GRID2: variants seen among roughly 807,000 people sequenced by gnomAD.
GRID2 encodes the protein glutamate ionotropic receptor delta type subunit 2.
In GRID2, 33 loss-of-function variants were observed where a neutral mutation model predicts 114.8. The ratio of observed to expected loss-of-function variants is 0.29; its 90% CI spans 0.22 to 0.38. The LOEUF (loss-of-function observed/expected upper bound fraction) is 0.38. GRID2 is among the 10% of genes least tolerant of loss of function. GRID2 has a pLI of 1.00. For missense variants in GRID2, 1,184 were observed against 1,257.7 expected (o/e 0.94, Z 0.89); for synonymous variants, 505 against 449.9 (o/e 1.12, Z -1.55).
At chr4:93,649,216 T>G (rs890211421) in intron 14 of GRID2, among the ~76,000 whole-genome samples, 3 of 152,136 alleles carry the variant, frequency 2.0e-5, no homozygotes, top group Non-Finnish European at 1.5e-5. Flanking sequence ...CTGTATAGAA[T>G]CCTTCTTATT....
chr4:93,727,204 G>T, intron 14 of GRID2, among the ~76,000 whole-genome samples: 1 of 152,178 alleles, frequency 6.6e-6, no homozygotes, highest in Non-Finnish European at 1.5e-5. Flanking sequence ...AAGGGTTGTT[G>T]AATTTTGTCA....
At chr4:93,707,776 C>T (rs951676201) in intron 14 of GRID2, among the ~76,000 whole-genome samples, 6 of 151,504 alleles carry the variant, frequency 4.0e-5, no homozygotes, top group Admixed American at 3.9e-4. Context: ...TAAGGTATAT[C>T]ATTAGGTTAT....
chr4:93,293,219 G>A (rs1360975407), intron 8 of GRID2, among the ~76,000 whole-genome samples: 1 of 152,058 alleles, frequency 6.6e-6, no homozygotes, highest in Non-Finnish European at 1.5e-5. Context: ...AATTAACACT[G>A]GAGTCACTAA....
rs558852354 is a variant in GRID2, at chr4:93,364,444, T to C, written c.1246-31163T>C. Among the ~76,000 whole-genome samples the C allele has an allele frequency of 5.9e-5, 9 of 152,272 alleles. No homozygotes were observed. In the East Asian group the frequency reaches 1.5e-3, roughly 26 times the overall value. ...TATTGAATCTATTTTCATTGACCTA[T>C]TATTTTTTTCTGAAAAATCTTATTT... On this transcript the variant is annotated intron_variant, in intron 8 of 15. Coordinates refer to ENST00000282020, the MANE Select transcript of GRID2 (RefSeq NM_001510.4).
At chr4:93,511,828 A>T (rs1290823302) in intron 12 of GRID2, among the ~76,000 whole-genome samples, 1 of 146,356 alleles carries the variant, frequency 6.8e-6, no homozygotes, top group Admixed American at 7.0e-5. Flanking sequence ...CTTGTCGCCC[A>T]GGCTAGAGTG....
Position 92,400,754 on chromosome 4 carries a change from C to T in GRID2, c.88+96010C>T, listed in dbSNP as rs139840465. Among the ~76,000 whole-genome samples the T allele has an allele frequency of 1.1e-3, 162 of 152,044 alleles. 1 individual carries two copies. The highest frequency in any genetic ancestry group is 3.7e-3 in the African/African-American group (155 of 41,466). ...GCATGAAGGTTCTTATTTCTCTTTA[C>T]CCTCACAAACACTTATTGCATGCCT... is the stretch of plus-strand genomic sequence containing the variant. On this transcript the variant is annotated intron_variant, in intron 1 of 15. Transcript: ENST00000282020.
intron 14 of GRID2, among the ~76,000 whole-genome samples, chr4:93,660,300 T>G (rs1723375150): frequency 6.6e-6 from 1 of 152,146 alleles, no homozygotes; most frequent in Admixed American, 6.5e-5. Context: ...CACATTGAAA[T>G]GATATTATTT....
At chr4:92,733,556 G>T (rs977162917) in intron 2 of GRID2, among the ~76,000 whole-genome samples, 3 of 152,024 alleles carry the variant, frequency 2.0e-5, no homozygotes, top group Non-Finnish European at 4.4e-5. Context: ...GTTTTCCTCT[G>T]GTTTGCATGG....
chr4:93,093,413 C>A (rs1730942850), intron 3 of GRID2, among the ~76,000 whole-genome samples: 1 of 151,864 alleles, frequency 6.6e-6, no homozygotes, highest in African/African-American at 2.4e-5. Context: ...TCAGAAATGC[C>A]CAGAGTCCAA....
rs574771045 is a variant in GRID2 at position 93,208,767 on chromosome 4, G to A, written c.789+1310G>A. Among the ~76,000 whole-genome samples, 25 of 151,988 alleles carry A rather than the reference G, an allele frequency of 1.6e-4. 1 individual carries two copies. The South Asian group carries it at 5.0e-3, about 30-fold the overall frequency. On this transcript the variant is annotated intron_variant, in intron 5 of 15. Transcript: ENST00000282020. ...TATGAATTTTAGCTGTATTTCTCAT[G>A]TCAAAATAAGATAGGTTTTTCTGAG...
At position 92,459,842 on chromosome 4, in the gene GRID2, C is replaced by A. The variant is rs1721392278; in HGVS notation, c.89-130289C>A. 2.0e-5 allele frequency among the ~76,000 whole-genome samples: 3 copies of A among 150,704 alleles called. No individual in the cohort carries two copies. In the Admixed American group the frequency reaches 2.0e-4, roughly 10 times the overall value. On this transcript the variant is annotated intron_variant, in intron 1 of 15. Transcript: ENST00000282020. ...ATGACCCTCTATAGTATGGGTGAGT[C>A]TCATCCAGTCAGTTGGAGGTTTTAG... is the stretch of plus-strand genomic sequence containing the variant.
At position 93,455,812 on chromosome 4, in the gene GRID2, G is replaced by A; in HGVS notation, c.1696G>A (p.Asp566Asn). ...VDMFACLAPF[D>N]LSLWACIAGT... Reference sequence around the variant, plus strand: ...TATGTTTGCCTGTCTTGCACCATTTGATCTCTCTCTATGGGCTTGCATTGC... The same window carrying A: ...TATGTTTGCCTGTCTTGCACCATTTAATCTCTCTCTATGGGCTTGCATTGC... Residue 566 changes from aspartate to asparagine, a missense_variant, in exon 11 of 16, where the codon GAT becomes AAT. Transcript: ENST00000282020. 1 of 1,613,796 alleles carries A rather than the reference G, an allele frequency of 6.2e-7. No individual in the cohort carries two copies. Among genetic ancestry groups the A allele is most frequent in the South Asian group, 1.1e-5 (1 of 91,070 alleles).
chr4:93,019,231 A>T (rs1476956783), intron 2 of GRID2, among the ~76,000 whole-genome samples: 3 of 152,192 alleles, frequency 2.0e-5, no homozygotes, highest in African/African-American at 7.2e-5. Flanking sequence ...ACATGTACAC[A>T]TATACATACT....
At chr4:93,423,336 C>CTTTTTTTTTT (rs554663844) in intron 10 of GRID2, among the ~76,000 whole-genome samples, 7 of 73,570 alleles carry the variant, frequency 9.5e-5, no homozygotes, top group African/African-American at 1.7e-4. Context: ...TTTTTTCTTT[C>CTTTTTTTTTT]TTTTTTTTTT....
At chr4:93,594,779 G>A (rs1738874359) in intron 13 of GRID2, among the ~76,000 whole-genome samples, 1 of 152,200 alleles carries the variant, frequency 6.6e-6, no homozygotes, top group South Asian at 2.1e-4. Context: ...AAGCCCGTCG[G>A]AAAAGCGCAG....
chr4:92,689,692 C>G (rs1402718337), intron 2 of GRID2, among the ~76,000 whole-genome samples: 2 of 152,218 alleles, frequency 1.3e-5, no homozygotes, highest in Non-Finnish European at 2.9e-5. Context: ...GAAACATTGT[C>G]TTCCAGGAAA....
At chr4:93,088,141 G>A (rs1730484616) in intron 3 of GRID2, among the ~76,000 whole-genome samples, 8 of 152,066 alleles carry the variant, frequency 5.3e-5, no homozygotes. Flanking sequence ...TTCAAAAGCA[G>A]TTAATTATAA....
chr4:93,333,128 C>T (rs1236625806), intron 8 of GRID2, among the ~76,000 whole-genome samples: 2 of 152,038 alleles, frequency 1.3e-5, no homozygotes, highest in African/African-American at 2.4e-5. Context: ...CTCCCAGCCA[C>T]CTGTCCCTTT....
intron 2 of GRID2, among the ~76,000 whole-genome samples, chr4:92,740,741 TGGATAGATAGATAGAC>T (rs1560565633): frequency 3.4e-5 from 5 of 145,108 alleles, no homozygotes; most frequent in African/African-American, 5.5e-5. Flanking sequence ...GATAGATAGA[TGGATAGATAGATAGAC>T]AGATAGATAG....
Sources: gnomAD v4.1 joint callset for allele counts (sites outside exome capture counted in the v4.1 genomes callset) on GRCh38, gnomAD v4.1.1 for gene constraint, MANE v1.5 for transcripts, NCBI Gene and HGNC (gene_info 2026-07-23, HGNC 2026-07-21) for gene names.